The following CDH8 variants were observed in gnomAD, a reference collection of about 807,000 sequenced individuals.
CDH8 encodes cadherin-8.
A neutral mutation model predicts 68.1 loss-of-function variants in CDH8; 17 were observed. The observed-to-expected ratio is 0.25, with a 90% CI of 0.17 to 0.37. CDH8 has a LOEUF of 0.37. CDH8 is among the 10% of genes least tolerant of loss of function. The pLI is 1.00. For missense variants in CDH8, 763 were observed against 999.3 expected (o/e 0.76, Z 3.19); for synonymous variants, 372 against 365.1 (o/e 1.02, Z -0.21).
chr16:61,948,660 C>G (rs906330947), intron 2 of CDH8, among the ~76,000 whole-genome samples: 2 of 152,118 alleles, frequency 1.3e-5, no homozygotes, highest in African/African-American at 4.8e-5. Context: ...TTGAAAGAAA[C>G]AATAGCCCAA....
intron 10 of CDH8, among the ~76,000 whole-genome samples, chr16:61,698,645 T>C (rs4784151): frequency 0.12 from 18,054 of 152,218 alleles, 1,065 homozygotes; most frequent in African/African-American, 0.13. Flanking sequence ...CAACATCTAA[T>C]GGACCTAAAA....
chr16:61,925,220 C>T (rs1480243171), intron 2 of CDH8, among the ~76,000 whole-genome samples: 1 of 152,160 alleles, frequency 6.6e-6, no homozygotes, highest in African/African-American at 2.4e-5. Flanking sequence ...GGTGGCAACA[C>T]TGTCAAAAGC....
At chr16:61,759,278 G>A (rs1231312765) in intron 8 of CDH8, among the ~76,000 whole-genome samples, 1 of 152,088 alleles carries the variant, frequency 6.6e-6, no homozygotes, top group African/African-American at 2.4e-5. Flanking sequence ...TTTACAGGCA[G>A]CATGCAGATT....
chr16:61,876,168 C>G (rs919968704), intron 3 of CDH8, among the ~76,000 whole-genome samples: 10 of 152,138 alleles, frequency 6.6e-5, no homozygotes, highest in African/African-American at 2.4e-4. Flanking sequence ...AGCCACTGTG[C>G]CCGGCCAGGT....
At chr16:61,766,946 A>G (rs1458791691) in intron 8 of CDH8, among the ~76,000 whole-genome samples, 3 of 151,976 alleles carry the variant, frequency 2.0e-5, no homozygotes, top group Non-Finnish European at 4.4e-5. Context: ...AGCATACTTC[A>G]CTGTTGGGAT....
chr16:61,749,944 G>T (rs892441786), intron 8 of CDH8, among the ~76,000 whole-genome samples: 2 of 152,024 alleles, frequency 1.3e-5, no homozygotes, highest in African/African-American at 2.4e-5. Context: ...AGGGACATGT[G>T]CAGGCTTGTT....
chr16:61,721,654 TG>T (rs909105183), intron 9 of CDH8, among the ~76,000 whole-genome samples: 1 of 127,524 alleles, frequency 7.8e-6, no homozygotes, highest in African/African-American at 2.9e-5. Context: ...TGTTTTCTTT[TG>T]AAAAAAAATG....
rs1169012853 is a variant in CDH8, at chr16:61,647,278, C to T, written c.*6330G>A. The T allele has an allele frequency of 6.6e-6, 1 of 151,620 alleles. No homozygotes were observed. The highest frequency in any genetic ancestry group is 2.1e-4 in the South Asian group (1 of 4,816). 9.4% of individuals were successfully genotyped at this position (151,620 alleles called of 1,614,324 possible). On this transcript the variant is annotated 3_prime_UTR_variant, in exon 12 of 12. Coordinates refer to ENST00000577390, the MANE Select transcript of CDH8 (RefSeq NM_001796.5). Reference sequence around the variant, plus strand: ...AAAGCTCTTTCTTAAAGTTTATTTGCAATATCATTATGTATAAATAATTAT... The same window carrying T: ...AAAGCTCTTTCTTAAAGTTTATTTGTAATATCATTATGTATAAATAATTAT...
Position 62,021,420 on chromosome 16 carries a change from C to A in CDH8, c.-17G>T, listed in dbSNP as rs1902072636. 1.9e-6 allele frequency: 3 copies of A among 1,580,586 alleles called. No homozygotes were observed. Among genetic ancestry groups the A allele is most frequent in the African/African-American group, 1.4e-5 (1 of 73,286 alleles). On this transcript the variant is annotated 5_prime_UTR_variant, in exon 2 of 12. Coordinates refer to ENST00000577390, the MANE Select transcript of CDH8 (RefSeq NM_001796.5). Reference sequence around the variant, plus strand: ...TTCTGGCATGGTCCCACCAGTTAAGCAAATCACCACGAAAATGAGACAATT... The same window carrying A: ...TTCTGGCATGGTCCCACCAGTTAAGAAAATCACCACGAAAATGAGACAATT...
chr16:61,678,604 T>A (rs2142794798), intron 10 of CDH8, among the ~76,000 whole-genome samples: 1 of 152,144 alleles, frequency 6.6e-6, no homozygotes. Flanking sequence ...GGTATACACA[T>A]GCCATGGTGG....
chr16:61,769,814 C>A (rs1960732552), intron 8 of CDH8, among the ~76,000 whole-genome samples: 1 of 151,892 alleles, frequency 6.6e-6, no homozygotes, highest in African/African-American at 2.4e-5. Context: ...ATAAAATGAA[C>A]ATGCCATATT....
intron 4 of CDH8, among the ~76,000 whole-genome samples, chr16:61,842,626 C>T (rs1962710747): frequency 6.6e-6 from 1 of 152,128 alleles, no homozygotes; most frequent in African/African-American, 2.4e-5. Flanking sequence ...CAAATAGTGA[C>T]TCCCTTCAGA....
intron 2 of CDH8, among the ~76,000 whole-genome samples, chr16:61,981,247 C>A (rs937965130): frequency 6.6e-6 from 1 of 152,100 alleles, no homozygotes; most frequent in African/African-American, 2.4e-5. Flanking sequence ...TATACAGAAA[C>A]CAATTGTACT....
chr16:61,846,685 G>C (rs1443993222), intron 4 of CDH8, among the ~76,000 whole-genome samples: 1 of 152,062 alleles, frequency 6.6e-6, no homozygotes, highest in Non-Finnish European at 1.5e-5. Flanking sequence ...TACATGAAAA[G>C]TAAGGACCAT....
intron 1 of CDH8, among the ~76,000 whole-genome samples, chr16:62,033,901 T>C (rs1902387893): frequency 6.6e-6 from 1 of 152,028 alleles, no homozygotes; most frequent in Admixed American, 6.6e-5. Context: ...TAAAATACTG[T>C]GACTGCTCCA....
At chr16:61,686,928 C>T (rs1238511958) in intron 10 of CDH8, among the ~76,000 whole-genome samples, 1 of 151,728 alleles carries the variant, frequency 6.6e-6, no homozygotes, top group East Asian at 1.9e-4. Context: ...TAGTTCATTA[C>T]AGCAACTAGA....
At chr16:61,826,108 C>A (rs1962327567) in intron 4 of CDH8, among the ~76,000 whole-genome samples, 1 of 150,742 alleles carries the variant, frequency 6.6e-6, no homozygotes, top group Non-Finnish European at 1.5e-5. Flanking sequence ...ATGTACATAC[C>A]CAGAAATGTG....
intron 2 of CDH8, among the ~76,000 whole-genome samples, chr16:62,009,593 T>G (rs1194745030): frequency 6.6e-6 from 1 of 152,322 alleles, no homozygotes; most frequent in East Asian, 1.9e-4. Flanking sequence ...CTTTTTGGTG[T>G]TCTGGGATTC....
intron 7 of CDH8, among the ~76,000 whole-genome samples, chr16:61,790,486 AT>A (rs1433616866): frequency 6.6e-6 from 1 of 152,018 alleles, no homozygotes; most frequent in African/African-American, 2.4e-5. Context: ...ATGCAATTGC[AT>A]TTCAGGAAGA....
Sources: gnomAD v4.1 joint callset for allele counts (sites outside exome capture counted in the v4.1 genomes callset) on GRCh38, gnomAD v4.1.1 for gene constraint, MANE v1.5 for transcripts, NCBI Gene and HGNC (gene_info 2026-07-23, HGNC 2026-07-21) for gene names.